DPT: variants seen among roughly 807,000 people sequenced by gnomAD.
DPT encodes tyrosine-rich acidic matrix protein.
Under a neutral mutation model 31.2 loss-of-function variants are expected in DPT, and 21 were observed. That is an observed-to-expected ratio of 0.67 (90% CI 0.48 to 0.97). DPT has a LOEUF of 0.97. DPT is among the 50% of genes least tolerant of loss of function. The pLI is 0.00. For missense variants in DPT, 262 were observed against 258.8 expected (o/e 1.01, Z -0.08); for synonymous variants, 91 against 86.9 (o/e 1.05, Z -0.26).
chr1:168,702,629 T>TTTTTTTTTTTTA (rs397744266), intron 2 of DPT, among the ~76,000 whole-genome samples: 1 of 150,968 alleles, frequency 6.6e-6, no homozygotes, highest in African/African-American at 2.4e-5. Context: ...TTTTTTTTTT[T>TTTTTTTTTTTTA]GAGACCAAGT....
chr1:168,714,425 T>G, intron 1 of DPT, 79 bp from the exon 2 acceptor site: 1 of 1,550,454 alleles, frequency 6.4e-7, no homozygotes, highest in Non-Finnish European at 8.8e-7. Context: ...CTGCCACAGT[T>G]ACACACTCTT....
At chr1:168,727,419 AG>A (rs1248233695) in intron 1 of DPT, among the ~76,000 whole-genome samples, 1 of 152,110 alleles carries the variant, frequency 6.6e-6, no homozygotes, top group African/African-American at 2.4e-5. Context: ...CATTACTTAA[AG>A]GCCCGCTCTC....
chr1:168,712,286 C>A (rs1649884543), intron 2 of DPT, among the ~76,000 whole-genome samples: 1 of 152,076 alleles, frequency 6.6e-6, no homozygotes, highest in Non-Finnish European at 1.5e-5. Flanking sequence ...CTAGGCTGTC[C>A]ATGTTCCCCT....
At chr1:168,707,664 G>A (rs1649752124) in intron 2 of DPT, among the ~76,000 whole-genome samples, 1 of 152,198 alleles carries the variant, frequency 6.6e-6, no homozygotes, top group Non-Finnish European at 1.5e-5. Context: ...GACCCAGTGG[G>A]AAGTAATTTA....
At chr1:168,723,875 G>A (rs1557851812) in intron 1 of DPT, among the ~76,000 whole-genome samples, 2 of 152,076 alleles carry the variant, frequency 1.3e-5, no homozygotes, top group South Asian at 4.1e-4. Context: ...CAGAATGCTT[G>A]TAAAGACAGC....
At chr1:168,700,504 C>G (rs1028696808) in intron 3 of DPT, among the ~76,000 whole-genome samples, 1 of 152,104 alleles carries the variant, frequency 6.6e-6, no homozygotes, top group Non-Finnish European at 1.5e-5. Context: ...TTCCTAAAAC[C>G]CAAAGTGGGG....
chr1:168,703,931 G>T (rs768221269), intron 2 of DPT, among the ~76,000 whole-genome samples: 1 of 151,828 alleles, frequency 6.6e-6, no homozygotes, highest in Non-Finnish European at 1.5e-5. Flanking sequence ...ATGTGCACGC[G>T]CACACACACA....
chr1:168,708,890 A>C (rs570006642), intron 2 of DPT, among the ~76,000 whole-genome samples: 1 of 152,302 alleles, frequency 6.6e-6, no homozygotes, highest in South Asian at 2.1e-4. Context: ...AGAATTAAAG[A>C]TTAGCTTTGA....
intron 1 of DPT, among the ~76,000 whole-genome samples, chr1:168,721,872 T>TGG (rs1650123817): frequency 6.6e-6 from 1 of 152,214 alleles, no homozygotes; most frequent in Non-Finnish European, 1.5e-5. Flanking sequence ...TGCCTGCATC[T>TGG]GGGTAAGAAT....
Position 168,714,305 on chromosome 1 carries a change from T to C in DPT, c.347A>G (p.Gln116Arg). 1.2e-6 allele frequency: 2 copies of C among 1,614,110 alleles called. No homozygotes were observed. Among genetic ancestry groups the C allele is most frequent in the South Asian group, 2.2e-5 (2 of 91,064 alleles). ...CAGCACTGACTCGAAGTAGCGGCTC[T>C]GGAATCCTGCCACCAGCCCATTGTT... Reference protein sequence around the residue: ...CSNNGLVAGFQSRYFESVLDR... With the variant: ...CSNNGLVAGFRSRYFESVLDR... The change falls in exon 2 of 4, where the codon CAG (glutamine) becomes CGG (arginine). Residue 116 changes from glutamine to arginine, a missense_variant. By Grantham distance (43) the Gln-to-Arg change is conservative. Transcript: ENST00000367817.
chr1:168,701,029 G>A lies in DPT; in HGVS notation c.527C>T (p.Ser176Phe). ...YYIRGATTTF[S>F]AVERDRQWKF... ...CTGTCTTTCTCACCTTTCCACTGCA[G>A]AGAAAGTGGTTGTTGCTCCTCGGAT... Residue 176 changes from serine (S) to phenylalanine (F), a missense_variant, in exon 3 of 4, where the codon TCT becomes TTT. By Grantham distance (155) the Ser-to-Phe change is radical. Transcript: ENST00000367817. 6.2e-7 allele frequency: 1 copy of A among 1,613,458 alleles called. No homozygotes were observed. Among genetic ancestry groups the A allele is most frequent in the Non-Finnish European group, 8.5e-7 (1 of 1,179,548 alleles).
intron 3 of DPT, among the ~76,000 whole-genome samples, chr1:168,698,668 G>T (rs926864488): frequency 1.3e-5 from 2 of 152,106 alleles, no homozygotes; most frequent in Non-Finnish European, 2.9e-5. Flanking sequence ...GGTGCTAATG[G>T]CATCTAGTGG....
chr1:168,713,430 A>G (rs1264021669), intron 2 of DPT, among the ~76,000 whole-genome samples: 2 of 152,238 alleles, frequency 1.3e-5, no homozygotes, highest in African/African-American at 2.4e-5. Flanking sequence ...CCTTGCAAGC[A>G]TCAAACTGTA....
intron 1 of DPT, among the ~76,000 whole-genome samples, chr1:168,716,095 T>C (rs1391438493): frequency 1.3e-5 from 2 of 152,256 alleles, no homozygotes; most frequent in Non-Finnish European, 2.9e-5. Flanking sequence ...GAAAATGAAC[T>C]TGCAGATCTA....
chr1:168,724,169 C>A (rs1198505850), intron 1 of DPT, among the ~76,000 whole-genome samples: 1 of 152,216 alleles, frequency 6.6e-6, no homozygotes, highest in Non-Finnish European at 1.5e-5. Flanking sequence ...TCTGCGGCGG[C>A]AAAGTGTGTC....
At chr1:168,722,386 C>A (rs542065998) in intron 1 of DPT, among the ~76,000 whole-genome samples, 2 of 152,266 alleles carry the variant, frequency 1.3e-5, no homozygotes, top group South Asian at 4.1e-4. Context: ...TCAACTCCAG[C>A]TTTGTAATTT....
chr1:168,725,665 G>A (rs1572634095), intron 1 of DPT, among the ~76,000 whole-genome samples: 1 of 152,286 alleles, frequency 6.6e-6, no homozygotes, highest in East Asian at 1.9e-4. Flanking sequence ...TCAGAAGCCG[G>A]CACTTGAAGA....
chr1:168,696,294 G>T lies in DPT; in HGVS notation c.*255C>A. On this transcript the variant is annotated 3_prime_UTR_variant, in exon 4 of 4. Transcript: ENST00000367817. ...GCGCACTGTATATGTGGTGTGCAAG[G>T]AAGCCATCATCAGTCATATAAAGCA... 1 of 565,092 alleles carries T rather than the reference G, an allele frequency of 1.8e-6. No individual in the cohort carries two copies. The highest frequency in any genetic ancestry group is 2.5e-5 in the South Asian group (1 of 39,856). 35.0% of individuals were successfully genotyped at this position (565,092 alleles called of 1,614,324 possible). A position where few individuals can be genotyped will look rare whatever the true frequency, so the allele number is the denominator to read the frequency against.
intron 2 of DPT, among the ~76,000 whole-genome samples, chr1:168,709,844 G>A (rs1223973822): frequency 2.0e-5 from 3 of 152,076 alleles, no homozygotes; most frequent in Admixed American, 1.3e-4. Flanking sequence ...GAAGGTGCAG[G>A]AAAAAGAGTT....
Sources: gnomAD v4.1 joint callset for allele counts (sites outside exome capture counted in the v4.1 genomes callset) on GRCh38, gnomAD v4.1.1 for gene constraint, MANE v1.5 for transcripts, NCBI Gene and HGNC (gene_info 2026-07-23, HGNC 2026-07-21) for gene names.